The following DHRSX variants were observed in gnomAD, a reference collection of about 807,000 sequenced individuals.
DHRSX encodes the protein polyprenol dehydrogenase.
In DHRSX, 31 loss-of-function variants were observed where a neutral mutation model predicts 34.0. The ratio of observed to expected loss-of-function variants is 0.91; its 90% CI spans 0.69 to 1.23. The LOEUF is 1.23. Among genes scored for constraint, DHRSX ranks in the 50% most tolerant of loss-of-function variants. The probability of loss-of-function intolerance (pLI) is 0.00; values close to 1 mark genes in which losing one functional copy is unlikely to be tolerated. For synonymous variants in DHRSX, 201 were observed against 183.8 expected, an observed-to-expected ratio of 1.09 and a Z score of -0.76; for missense variants, 414 against 428.1, an observed-to-expected ratio of 0.97 and a Z score of 0.29.
At chrX:2,434,066 C>T (rs1354440242) in intron 1 of DHRSX, among the ~76,000 whole-genome samples, 11 of 152,200 alleles carry the variant, frequency 7.2e-5, no homozygotes, top group Non-Finnish European at 1.6e-4. Context: ...GCGTGAGCCA[C>T]CGCGCCCGGT....
At chrX:2,468,068 C>T (rs1322495913) in intron 1 of DHRSX, among the ~76,000 whole-genome samples, 2 of 151,996 alleles carry the variant, frequency 1.3e-5, no homozygotes, top group Non-Finnish European at 2.9e-5. Context: ...AGGCCACCTT[C>T]TAAGGTTTCT....
In DHRSX at chrX:2,315,922, C is replaced by T. The variant is rs772065829; in HGVS notation, c.287-24319G>A. On this transcript the variant is annotated intron_variant, in intron 3 of 6. Coordinates refer to ENST00000334651, the MANE Select transcript of DHRSX (RefSeq NM_145177.3). Reference sequence around the variant, plus strand: ...TGTTGCCTAGGCTGGAGTGCAGTTTCGCGATCTCAGCTCACTGCAACCTCC... The same window carrying T: ...TGTTGCCTAGGCTGGAGTGCAGTTTTGCGATCTCAGCTCACTGCAACCTCC... Among the ~76,000 whole-genome samples, 7 of 152,182 alleles carry T rather than the reference C, an allele frequency of 4.6e-5. No individual in the cohort carries two copies. In the South Asian group the frequency reaches 6.2e-4, roughly 14 times the overall value.
intron 3 of DHRSX, among the ~76,000 whole-genome samples, chrX:2,396,081 G>C (rs754219795): frequency 6.6e-6 from 1 of 152,156 alleles, no homozygotes; most frequent in African/African-American, 2.4e-5. Flanking sequence ...GGGGCTCCAG[G>C]AGTCCCTGGG....
intron 3 of DHRSX, among the ~76,000 whole-genome samples, chrX:2,330,230 AAAGTAG>A: frequency 6.6e-6 from 1 of 151,106 alleles, no homozygotes; most frequent in Non-Finnish European, 1.5e-5. Context: ...AGGGAAAAAA[AAAGTAG>A]AAGGGGCCAG....
chrX:2,489,430 C>A (rs759275970), intron 1 of DHRSX: 21 of 1,613,876 alleles, frequency 1.3e-5, no homozygotes, highest in Non-Finnish European at 1.8e-5. Context: ...GCGTGGTGTT[C>A]AGGAGCATGT....
intron 1 of DHRSX, among the ~76,000 whole-genome samples, chrX:2,444,479 G>A (rs1297210839): frequency 3.3e-5 from 5 of 152,138 alleles, no homozygotes; most frequent in Non-Finnish European, 5.9e-5. Flanking sequence ...AGACCTGGGC[G>A]GCAGACGGGA....
intron 3 of DHRSX, among the ~76,000 whole-genome samples, chrX:2,399,863 T>A (rs2043465335): frequency 6.6e-6 from 1 of 150,876 alleles, no homozygotes; most frequent in Non-Finnish European, 1.5e-5. Context: ...TGAGACCCCG[T>A]CTCTAGAAAA....
intron 3 of DHRSX, among the ~76,000 whole-genome samples, chrX:2,329,751 C>T (rs1414245569): frequency 5.9e-5 from 9 of 152,082 alleles, no homozygotes; most frequent in South Asian, 2.1e-4. Flanking sequence ...AATCCTAGCC[C>T]GCAGGAAAGC....
rs781233833 is a variant in DHRSX, at chrX:2,357,700, TAA to T, written c.286+51043_286+51044del. ...TCAAACACTTTGGGACTCAGGAAAT[TAA>T]AAAAAAAAAAAAAAAAAAGAATCAT... On this transcript the variant is annotated intron_variant, in intron 3 of 6. Transcript: ENST00000334651. 9.6e-3 allele frequency among the ~76,000 whole-genome samples: 1,196 copies of T among 125,108 alleles called. 19 individuals carry two copies. The highest frequency in any genetic ancestry group is 0.031 in the African/African-American group (1,062 of 33,852). The allele number at this position is 125,108 out of a possible 152,430, so 82.1% of individuals were successfully genotyped here.
intron 1 of DHRSX, among the ~76,000 whole-genome samples, chrX:2,453,073 A>T (rs1341597348): frequency 6.6e-6 from 1 of 152,216 alleles, no homozygotes; most frequent in Non-Finnish European, 1.5e-5. Context: ...TTGCAGCAAC[A>T]TGGATGGGAC....
intron 1 of DHRSX, among the ~76,000 whole-genome samples, chrX:2,472,720 G>A (rs1018998721): frequency 1.3e-5 from 2 of 152,152 alleles, no homozygotes; most frequent in Admixed American, 6.6e-5. Flanking sequence ...AGTGAACCCA[G>A]ATCATACCAT....
intron 1 of DHRSX, among the ~76,000 whole-genome samples, chrX:2,455,741 C>CAAAAAA (rs752123891): frequency 3.3e-4 from 20 of 59,758 alleles, no homozygotes; most frequent in African/African-American, 9.2e-4. Context: ...AACTTCGTCT[C>CAAAAAA]AAAAAAAAAA....
At chrX:2,417,220 T>C (rs1316657687) in intron 2 of DHRSX, among the ~76,000 whole-genome samples, 4 of 152,228 alleles carry the variant, frequency 2.6e-5, no homozygotes, top group Non-Finnish European at 4.4e-5. Flanking sequence ...ATACTGCTCC[T>C]GATGCTCAGT....
At chrX:2,325,317 G>A (rs777559545) in intron 3 of DHRSX, among the ~76,000 whole-genome samples, 57 of 152,060 alleles carry the variant, frequency 3.7e-4, no homozygotes, top group African/African-American at 1.3e-3. Flanking sequence ...GTTCAAGATG[G>A]CGGCTCCATC....
chrX:2,296,854 C>T (rs1233704897), intron 3 of DHRSX, among the ~76,000 whole-genome samples: 2 of 36,468 alleles, frequency 5.5e-5, no homozygotes, highest in African/African-American at 1.7e-4. Flanking sequence ...GCAGATAGAC[C>T]CCAGGCAGAC....
chrX:2,445,066 G>A (rs1346895943), intron 1 of DHRSX, among the ~76,000 whole-genome samples: 11 of 151,830 alleles, frequency 7.2e-5, no homozygotes, highest in African/African-American at 2.4e-4. Context: ...CTGAGGCGGG[G>A]GAATTGCTTG....
At chrX:2,307,983 G>A (rs2042120414) in intron 3 of DHRSX, among the ~76,000 whole-genome samples, 1 of 151,974 alleles carries the variant, frequency 6.6e-6, no homozygotes, top group Non-Finnish European at 1.5e-5. Flanking sequence ...AGAGGGACCA[G>A]GGAACCGAAC....
rs138602067 is a variant in DHRSX at position 2,310,582 on chromosome X, G to C, written c.287-18979C>G. ...TGTGTGAGAGAGAGAGAGAGAGGGA[G>C]AGAGAGAGAAAATAAGCAAGAGAGA... On this transcript the variant is annotated intron_variant, in intron 3 of 6. Transcript: ENST00000334651. 7.4e-4 allele frequency among the ~76,000 whole-genome samples: 110 copies of C among 148,498 alleles called. 3 individuals carry two copies. In the East Asian group the frequency reaches 0.019, roughly 25 times the overall value.
chrX:2,327,144 CT>C (rs1413907211), intron 3 of DHRSX, among the ~76,000 whole-genome samples: 13 of 152,192 alleles, frequency 8.5e-5, no homozygotes, highest in Non-Finnish European at 1.8e-4. Context: ...TTCAACAACA[CT>C]TTTCGTGCAT....
Sources: gnomAD v4.1 joint callset for allele counts (sites outside exome capture counted in the v4.1 genomes callset) on GRCh38, gnomAD v4.1.1 for gene constraint, MANE v1.5 for transcripts, NCBI Gene and HGNC (gene_info 2026-07-23, HGNC 2026-07-21) for gene names.